NICOL1: variants seen among roughly 807,000 people sequenced by gnomAD.
The protein encoded by NICOL1 is NELL2-interacting cell ontogeny regulator 1.
the NICOL1 span, chr4:2,042,846 G>A: frequency 6.8e-7 from 1 of 1,462,832 alleles, no homozygotes; most frequent in Non-Finnish European, 9.0e-7. Flanking sequence ...CGGCGCGACG[G>A]TCCTCCCGGG....
chr4:2,042,293 G>A, the NICOL1 span: 2 of 802,580 alleles, frequency 2.5e-6, no homozygotes, highest in Non-Finnish European at 3.5e-6. Flanking sequence ...CGGGGCGGGC[G>A]GGGCGGGCGC....
the NICOL1 span, among the ~76,000 whole-genome samples, chr4:2,043,420 G>A: frequency 6.6e-6 from 1 of 152,178 alleles, no homozygotes; most frequent in Non-Finnish European, 1.5e-5. Flanking sequence ...GGAAGACCCT[G>A]CCTGGTCCCA....
At chr4:2,040,340 C>T in the NICOL1 span, among the ~76,000 whole-genome samples, 2 of 152,260 alleles carry the variant, frequency 1.3e-5, no homozygotes, top group Non-Finnish European at 2.9e-5. Context: ...CTCCTGACCC[C>T]AGGTGATCCA....
chr4:2,038,586 T>A, the NICOL1 span, among the ~76,000 whole-genome samples: 17 of 152,242 alleles, frequency 1.1e-4, no homozygotes, highest in African/African-American at 3.1e-4. Flanking sequence ...CTAATTTTTT[T>A]AAAATTAAAC....
At chr4:2,043,894 G>C in the NICOL1 span, 1 of 1,549,620 alleles carries the variant, frequency 6.5e-7, no homozygotes, top group Non-Finnish European at 8.7e-7. Flanking sequence ...AGAGCGCCGT[G>C]CCCTGTGTGC....
At chr4:2,042,853 C>A in the NICOL1 span, 4 of 1,446,912 alleles carry the variant, frequency 2.8e-6, no homozygotes, top group South Asian at 1.3e-5. Context: ...ACGGTCCTCC[C>A]GGGCTTCCCA....
the NICOL1 span, chr4:2,042,403 C>G: frequency 2.0e-6 from 1 of 496,660 alleles, no homozygotes; most frequent in Non-Finnish European, 3.5e-6. Context: ...GCCGCCGCCG[C>G]TGCTGCTGCT....
At chr4:2,040,118 A>T in the NICOL1 span, among the ~76,000 whole-genome samples, 155 of 151,936 alleles carry the variant, frequency 1.0e-3, no homozygotes, top group South Asian at 2.3e-3. Context: ...ATATATATAT[A>T]TTTTTTGAGA....
At chr4:2,042,035 C>A in the NICOL1 span, 6 of 1,476,944 alleles carry the variant, frequency 4.1e-6, no homozygotes, top group South Asian at 3.9e-5. Context: ...TGCCGGTGTC[C>A]CCGCGCTGCT....
At chr4:2,042,989 C>T in the NICOL1 span, among the ~76,000 whole-genome samples, 1 of 152,178 alleles carries the variant, frequency 6.6e-6, no homozygotes, top group Non-Finnish European at 1.5e-5. Flanking sequence ...ATCCAAGGGG[C>T]ATTCTGGGCA....
chr4:2,040,254 G>C, the NICOL1 span, among the ~76,000 whole-genome samples: 4 of 152,154 alleles, frequency 2.6e-5, no homozygotes, highest in African/African-American at 9.6e-5. Context: ...TTACAGGCGC[G>C]TGCCACCATA....
chr4:2,039,953 G>A, the NICOL1 span, among the ~76,000 whole-genome samples: 1 of 152,062 alleles, frequency 6.6e-6, no homozygotes, highest in African/African-American at 2.4e-5. Context: ...GTTATTTATT[G>A]AGAAAAAGGA....
the NICOL1 span, chr4:2,042,671 G>A: frequency 2.1e-6 from 2 of 951,224 alleles, no homozygotes; most frequent in Non-Finnish European, 3.1e-6. Flanking sequence ...CGGGCCCAGA[G>A]TGCGTGGGGG....
chr4:2,038,235 G>GTGTGTA, the NICOL1 span, among the ~76,000 whole-genome samples: 1 of 84,552 alleles, frequency 1.2e-5, no homozygotes, highest in African/African-American at 4.8e-5. Flanking sequence ...AGTGATCAGT[G>GTGTGTA]TGTATATATA....
At chr4:2,042,509 G>C in the NICOL1 span, 3 of 416,404 alleles carry the variant, frequency 7.2e-6, no homozygotes, top group Non-Finnish European at 1.3e-5. Flanking sequence ...CCGGGTTCCG[G>C]GGAGCGGGGC....
the NICOL1 span, among the ~76,000 whole-genome samples, chr4:2,041,167 C>CGG: frequency 7.6e-6 from 1 of 130,746 alleles, no homozygotes; most frequent in Non-Finnish European, 1.6e-5. Flanking sequence ...GGAGCGGGGG[C>CGG]GCCAGCACCC....
chr4:2,041,970 C>T, the NICOL1 span: 1 of 1,452,650 alleles, frequency 6.9e-7, no homozygotes, highest in East Asian at 3.0e-5. Context: ...GGATGGGGAA[C>T]CCGGGCGGGG....
the NICOL1 span, among the ~76,000 whole-genome samples, chr4:2,041,553 G>A: frequency 1.3e-5 from 2 of 152,172 alleles, no homozygotes; most frequent in African/African-American, 4.8e-5. Flanking sequence ...GGGAAAAGCC[G>A]GGCGAGGGCG....
chr4:2,041,992 C>T, the NICOL1 span: 1 of 1,469,332 alleles, frequency 6.8e-7, no homozygotes, highest in South Asian at 1.3e-5. Context: ...CGGGTCGGAG[C>T]GCATGCGCGT....
Sources: allele counts gnomAD v4.1 joint callset (sites outside exome capture counted in the v4.1 genomes callset), GRCh38; gene constraint gnomAD v4.1.1; transcripts MANE v1.5; gene names NCBI Gene and HGNC (gene_info 2026-07-23, HGNC 2026-07-21).